The following AGO4 variants were observed in gnomAD, a reference collection of about 807,000 sequenced individuals.
AGO4 encodes protein argonaute-4.
AGO4 carries 33 observed loss-of-function variants against 104.7 expected under a neutral mutation model. That is an observed-to-expected ratio of 0.32 (90% CI 0.24 to 0.42). The LOEUF is 0.42. Among genes scored for constraint, AGO4 ranks in the 10% least tolerant of loss-of-function variants. AGO4 has a pLI of 1.00. For synonymous variants in AGO4, 331 were observed against 364.7 expected (o/e 0.91, Z 1.05); for missense variants, 711 against 1,083.4 (o/e 0.66, Z 4.83).
At chr1:35,817,797 C>A (rs1643758152) in intron 2 of AGO4, among the ~76,000 whole-genome samples, 1 of 152,110 alleles carries the variant, frequency 6.6e-6, no homozygotes, top group Non-Finnish European at 1.5e-5. Context: ...CAAAATTTGG[C>A]TTTCTGGTGT....
chr1:35,848,317 G>T (rs539749038), intron 15 of AGO4, among the ~76,000 whole-genome samples: 2 of 152,290 alleles, frequency 1.3e-5, no homozygotes, highest in Admixed American at 1.3e-4. Flanking sequence ...TATTTGGAGT[G>T]TTTCCTGTTT....
At chr1:35,822,546 A>T (rs764488173) in intron 2 of AGO4, among the ~76,000 whole-genome samples, 7 of 151,942 alleles carry the variant, frequency 4.6e-5, no homozygotes, top group Non-Finnish European at 8.8e-5. Context: ...GAGCCACCAC[A>T]CCCAGCCAGG....
intron 13 of AGO4, among the ~76,000 whole-genome samples, chr1:35,837,347 G>A (rs1644337448): frequency 6.6e-6 from 1 of 151,142 alleles, no homozygotes; most frequent in Admixed American, 6.6e-5. Context: ...GCCTCCCAAA[G>A]TGCTGAGATT....
chr1:35,819,712 G>T, intron 2 of AGO4, among the ~76,000 whole-genome samples: 1 of 137,398 alleles, frequency 7.3e-6, no homozygotes, highest in Non-Finnish European at 1.5e-5. Context: ...CAGCCTATTC[G>T]ACAGAGTGAG....
intron 16 of AGO4, 74 bp from the exon 17 acceptor site, chr1:35,850,780 C>CAAAAAAAA (rs796652586): frequency 5.2e-4 from 283 of 541,514 alleles, no homozygotes; most frequent in East Asian, 1.6e-3. Context: ...GACTCCATCT[C>CAAAAAAAA]AAAAAAAAAA....
At position 35,826,869 on chromosome 1, in the gene AGO4, A is replaced by G. The variant is rs758330309; in HGVS notation, c.848+34A>G. Reference sequence around the variant, plus strand: ...ACCACATCTAAAGTAATACAATTACATTTTTAGTAACAGAGGGAGCTACTA... The same window carrying G: ...ACCACATCTAAAGTAATACAATTACGTTTTTAGTAACAGAGGGAGCTACTA... On this transcript the variant is annotated intron_variant, in intron 7 of 17. Coordinates refer to ENST00000373210, the MANE Select transcript of AGO4 (RefSeq NM_017629.4). 13 of 1,594,500 alleles carry G rather than the reference A, an allele frequency of 8.2e-6. No homozygotes were observed. In the East Asian group the frequency reaches 2.7e-4, roughly 33 times the overall value.
Position 35,808,233 on chromosome 1 carries a change from G to T in AGO4, c.-184G>T, listed in dbSNP as rs1408946029. 1 of 159,308 alleles carries T rather than the reference G, an allele frequency of 6.3e-6. No homozygotes were observed. Among genetic ancestry groups the T allele is most frequent in the African/African-American group, 2.4e-5 (1 of 40,862 alleles). The allele number at this position is 159,308 out of a possible 1,614,324, so 9.9% of individuals were successfully genotyped here. On this transcript the variant is annotated 5_prime_UTR_variant, in exon 1 of 18. Transcript: ENST00000373210. The surrounding 1 kb of genome is among the most constrained non-coding windows in gnomAD (Gnocchi z 5.2). ...GTTGTCGCTGAGGCCGGAAGAGCCG[G>T]AGCCGGGTCCCTGTCCCCGGGCCGG...
In AGO4 at chr1:35,835,873, CCA is replaced by C; in HGVS notation, c.1609_1610del (p.Gln537ValfsTer30). Reference sequence around the variant, plus strand: ...GTTGGAGATACCCTTCTAGGTATGGCCACACAGTGTGTCCAGGTAAAAAATGT... The same window carrying C: ...GTTGGAGATACCCTTCTAGGTATGGCCACAGTGTGTCCAGGTAAAAAATGT... On this transcript the variant is annotated frameshift_variant, in exon 13 of 18. Coordinates refer to ENST00000373210, the MANE Select transcript of AGO4 (RefSeq NM_017629.4). LOFTEE classifies it high-confidence loss of function. The C allele has an allele frequency of 6.2e-7, 1 of 1,613,656 alleles. No homozygotes were observed. Among genetic ancestry groups the C allele is most frequent in the Non-Finnish European group, 8.5e-7 (1 of 1,179,752 alleles).
chr1:35,823,571 G>A lies in AGO4; in HGVS notation c.306+589G>A, dbSNP rs185437591. On this transcript the variant is annotated intron_variant, in intron 3 of 17. Transcript: ENST00000373210. ...TTCCCAAGTATCTGGGACTATAGGC[G>A]TGTGCCACCACGCCCAGATCATTGT... Among the ~76,000 whole-genome samples, 77 of 152,146 alleles carry A rather than the reference G, an allele frequency of 5.1e-4. 2 individuals carry two copies. The East Asian group carries it at 0.014, about 28-fold the overall frequency.
At chr1:35,810,640 G>A (rs1168682533) in intron 1 of AGO4, among the ~76,000 whole-genome samples, 1 of 152,178 alleles carries the variant, frequency 6.6e-6, no homozygotes, top group African/African-American at 2.4e-5. Context: ...GATGAGAAAA[G>A]TGAGGTTCAG....
rs763638798 is a variant in AGO4, at chr1:35,826,110, A to G, written c.760+50A>G. The G allele has an allele frequency of 9.4e-6, 15 of 1,602,464 alleles. No homozygotes were observed. The East Asian group carries it at 3.3e-4, about 36-fold the overall frequency. On this transcript the variant is annotated intron_variant, in intron 6 of 17. Transcript: ENST00000373210. ...TTGGAGAAGCAGCTCAGCATGCTGC[A>G]CGTTGCCTGTGCTCTGGAGTCACAC...
At position 35,843,158 on chromosome 1, in the gene AGO4, G is replaced by A. The variant is rs1421549284; in HGVS notation, c.2175+1408G>A. Among the ~76,000 whole-genome samples, 8 of 152,016 alleles carry A rather than the reference G, an allele frequency of 5.3e-5. No homozygotes were observed. In the South Asian group the frequency reaches 8.3e-4, roughly 16 times the overall value. ...TGGCTCACTGCAACCTCTGCCTCCC[G>A]AGGTTCAAGCGATTCTCCTGCCTCA... On this transcript the variant is annotated intron_variant, in intron 15 of 17. Transcript: ENST00000373210.
In AGO4 at chr1:35,825,459, A is replaced by G; in HGVS notation, c.453A>G (p.Ala151=). 4 of 1,614,200 alleles carry G rather than the reference A, an allele frequency of 2.5e-6. No individual in the cohort carries two copies. Among genetic ancestry groups the G allele is most frequent in the Middle Eastern group, 3.3e-4 (2 of 6,062 alleles). ...AAGTCCCAGATGACTCAGTACAAGCACTTGATGTTATCACAAGACACCTTC... is the reference window on the plus strand; with the variant it reads ...AAGTCCCAGATGACTCAGTACAAGCGCTTGATGTTATCACAAGACACCTTC... The part of the protein sequence containing the change: ...LNEVPDDSVQ[A]LDVITRHLPS... The change falls in exon 4 of 18, where the codon GCA becomes GCG. Residue 151 remains alanine, a synonymous_variant. Coordinates refer to ENST00000373210, the MANE Select transcript of AGO4 (RefSeq NM_017629.4).
intron 17 of AGO4, among the ~76,000 whole-genome samples, chr1:35,853,248 C>CAAAAA (rs767922952): frequency 9.2e-5 from 6 of 64,920 alleles, no homozygotes; most frequent in African/African-American, 1.7e-4. Context: ...GACTCTGTCT[C>CAAAAA]AAAAAAAAAA....
At position 35,853,536 on chromosome 1, in the gene AGO4, G is replaced by A. The variant is rs756039230; in HGVS notation, c.2517G>A (p.Arg839=). The change falls in exon 18 of 18, where the codon CGG becomes CGA. Residue 839 remains arginine (R), a synonymous_variant. Coordinates refer to ENST00000373210, the MANE Select transcript of AGO4 (RefSeq NM_017629.4). ...GSHVSGQSNG[R]DPQALAKAVQ... is the part of the protein sequence containing the mutation. ...ATGTGTCAGGACAGAGCAACGGCCG[G>A]GATCCTCAGGCCTTGGCTAAGGCTG... The A allele has an allele frequency of 2.0e-5, 33 of 1,613,692 alleles. 1 individual carries two copies. In the South Asian group the frequency reaches 3.6e-4, roughly 18 times the overall value.
chr1:35,808,081 C>A lies in AGO4; in HGVS notation c.-336C>A, dbSNP rs916979007. ...CCCGCGCCCGGGGCCGCGCACGCCC[C>A]CTCCGCCCGCCGGGACCCTGGGTCC... On this transcript the variant is annotated 5_prime_UTR_variant, in exon 1 of 18. Coordinates refer to ENST00000373210, the MANE Select transcript of AGO4 (RefSeq NM_017629.4). The surrounding 1 kb of genome is among the most constrained non-coding windows in gnomAD (Gnocchi z 5.2). 1 of 149,244 alleles carries A rather than the reference C, an allele frequency of 6.7e-6. No homozygotes were observed. 9.2% of individuals were successfully genotyped at this position (149,244 alleles called of 1,614,324 possible). A position where few individuals can be genotyped will look rare whatever the true frequency, so the allele number is the denominator to read the frequency against.
At chr1:35,816,849 A>C (rs755995060) in intron 1 of AGO4, 33 bp from the exon 2 acceptor site, 129 of 1,511,746 alleles carry the variant, frequency 8.5e-5, no homozygotes, top group Non-Finnish European at 1.1e-4. Context: ...AGAAAAAAAA[A>C]ATAGCACAGC....
Position 35,831,827 on chromosome 1 carries a change from G to T in AGO4, c.1012G>T (p.Ala338Ser). The T allele has an allele frequency of 6.2e-7, 1 of 1,614,014 alleles. No individual in the cohort carries two copies. Residue 338 changes from alanine (A) to serine (S), a missense_variant, in exon 9 of 18, where the codon GCA (alanine) becomes TCA (serine). By Grantham distance (99) the Ala-to-Ser change is moderately conservative (BLOSUM62 1). Around this residue, in one of 3 missense-constraint regions of AGO4, gnomAD observed 401 missense variants for 665.5 expected, o/e 0.60. Coordinates refer to ENST00000373210, the MANE Select transcript of AGO4 (RefSeq NM_017629.4). ...YLPLEVCNIV[A>S]GQRCIKKLTD... is the part of the protein sequence containing the mutation. ...CTCTTGGCAGGTCTGTAATATAGTG[G>T]CAGGACAGCGATGTATCAAGAAGCT...
rs545118373 is a variant in AGO4 at position 35,841,532 on chromosome 1, A to T, written c.2040+52A>T. On this transcript the variant is annotated intron_variant, in intron 14 of 17. Transcript: ENST00000373210. The surrounding 1 kb of genome is among the most constrained non-coding windows in gnomAD (Gnocchi z 4.7). Reference sequence around the variant, plus strand: ...CGGGGCCCCTAGGAGTCTGAGGGAGATTCCTCTCATCTACCATTCTGGGTA... The same window carrying T: ...CGGGGCCCCTAGGAGTCTGAGGGAGTTTCCTCTCATCTACCATTCTGGGTA... 1 of 1,608,598 alleles carries T rather than the reference A, an allele frequency of 6.2e-7. No individual in the cohort carries two copies. Among genetic ancestry groups the T allele is most frequent in the Admixed American group, 1.7e-5 (1 of 59,762 alleles).
Sources: allele counts gnomAD v4.1 joint callset (sites outside exome capture counted in the v4.1 genomes callset), GRCh38; gene constraint gnomAD v4.1.1; regional missense constraint gnomAD v4.1.1; non-coding constraint Gnocchi (gnomAD v3.1); transcripts MANE v1.5; gene names NCBI Gene and HGNC (gene_info 2026-07-23, HGNC 2026-07-21).